CMIP: variants seen among roughly 807,000 people sequenced by gnomAD.
CMIP encodes c-Maf inducing protein.
Under a neutral mutation model 97.3 loss-of-function variants are expected in CMIP, and 13 were observed. That is an observed-to-expected ratio of 0.13 (90% CI 0.09 to 0.21). The LOEUF (loss-of-function observed/expected upper bound fraction) is 0.21, where lower values mean the gene tolerates loss of function less well. Ranked by LOEUF, CMIP falls within the 10% of genes least tolerant of loss-of-function variation. The pLI is 1.00. For missense variants in CMIP, 847 were observed against 1,024.9 expected (o/e 0.83, Z 2.37); for synonymous variants, 538 against 436.3 (o/e 1.23, Z -2.91).
intron 1 of CMIP, among the ~76,000 whole-genome samples, chr16:81,489,725 G>A (rs771212734): frequency 2.0e-5 from 3 of 152,186 alleles, no homozygotes; most frequent in Non-Finnish European, 4.4e-5. Context: ...CGTTCAGGGA[G>A]GGGGAGAGAG....
chr16:81,688,240 T>A (rs540992666), intron 10 of CMIP, among the ~76,000 whole-genome samples: 15 of 152,282 alleles, frequency 9.9e-5, no homozygotes, highest in African/African-American at 3.6e-4. Flanking sequence ...CCTCTCCCGC[T>A]GTCTCTGCAC....
chr16:81,507,551 C>T (rs952385547), intron 1 of CMIP, among the ~76,000 whole-genome samples: 4 of 152,122 alleles, frequency 2.6e-5, no homozygotes, highest in African/African-American at 7.2e-5. Flanking sequence ...AAGGTTAAGT[C>T]GTTTAATTGG....
At chr16:81,452,791 C>T (rs573391740) in intron 1 of CMIP, among the ~76,000 whole-genome samples, 5 of 151,126 alleles carry the variant, frequency 3.3e-5, no homozygotes, top group Admixed American at 6.6e-5. Context: ...GTAGAATGTG[C>T]GAGGTGATGG....
Position 81,652,110 on chromosome 16 carries a change from A to C in CMIP, c.478-93A>C. Reference sequence around the variant, plus strand: ...AGTTGTCAGTTTCTCAGGGCCCTTTACACCCTAACCCATCTGATTCTTTGA... The same window carrying C: ...AGTTGTCAGTTTCTCAGGGCCCTTTCCACCCTAACCCATCTGATTCTTTGA... On this transcript the variant is annotated intron_variant, in intron 3 of 20. Transcript: ENST00000537098. This position sits in a 1 kb window ranked among gnomAD's most constrained non-coding sequence, Gnocchi z 5.2. The C allele has an allele frequency of 9.8e-7, 1 of 1,024,020 alleles. No individual in the cohort carries two copies. The highest frequency in any genetic ancestry group is 1.5e-6 in the Non-Finnish European group (1 of 684,268). 63.4% of individuals were successfully genotyped at this position (1,024,020 alleles called of 1,614,324 possible).
chr16:81,604,003 C>G (rs770407522), intron 1 of CMIP, among the ~76,000 whole-genome samples: 2 of 152,204 alleles, frequency 1.3e-5, no homozygotes, highest in African/African-American at 4.8e-5. Context: ...TAAGGACACA[C>G]AGTAAGCGGC....
At chr16:81,661,767 C>G (rs1319369681) in intron 6 of CMIP, among the ~76,000 whole-genome samples, 1 of 152,130 alleles carries the variant, frequency 6.6e-6, no homozygotes, top group Non-Finnish European at 1.5e-5. Context: ...CCCCTCACCC[C>G]AGGGAGTCCT....
At chr16:81,594,412 G>A (rs566123859) in intron 1 of CMIP, among the ~76,000 whole-genome samples, 40 of 151,570 alleles carry the variant, frequency 2.6e-4, no homozygotes, top group African/African-American at 7.3e-4. Flanking sequence ...GAGCCACCGC[G>A]CCTGGCCAGC....
At chr16:81,657,875 C>G in intron 5 of CMIP, 59 bp downstream of exon 5, 1 of 1,430,030 alleles carries the variant, frequency 7.0e-7, no homozygotes, top group Non-Finnish European at 9.6e-7. Flanking sequence ...GCCTACAACC[C>G]TTTTCCTGGT....
chr16:81,521,811 A>G (rs754330373), intron 1 of CMIP, among the ~76,000 whole-genome samples: 1 of 152,166 alleles, frequency 6.6e-6, no homozygotes, highest in African/African-American at 2.4e-5. Flanking sequence ...ATACTTTTCT[A>G]CAATTGGGAG....
chr16:81,582,806 C>T lies in CMIP; in HGVS notation c.301-24761C>T, dbSNP rs533615254. Among the ~76,000 whole-genome samples the T allele has an allele frequency of 3.9e-5, 6 of 152,138 alleles. No homozygotes were observed. The South Asian group carries it at 1.0e-3, about 26-fold the overall frequency. ...CAAGAGGGAACGCTTTCATGAACGG[C>T]GAGCGGAATGCCCAACAGCACAAAG... On this transcript the variant is annotated intron_variant, in intron 1 of 20. Coordinates refer to ENST00000537098, the MANE Select transcript of CMIP (RefSeq NM_198390.3).
Position 81,607,705 on chromosome 16 carries a change from A to G in CMIP, c.426+13A>G, listed in dbSNP as rs181048976. On this transcript the variant is annotated intron_variant, in intron 2 of 20. Transcript: ENST00000537098. ...TGTCTTACTGCAGGTAGGAGAAATA[A>G]ACATGAACAAGCAGTTTCTTCTCCC... The G allele has an allele frequency of 1.3e-5, 21 of 1,611,916 alleles. No individual in the cohort carries two copies. The highest frequency in any genetic ancestry group is 1.7e-5 in the Non-Finnish European group (20 of 1,178,186).
intron 1 of CMIP, among the ~76,000 whole-genome samples, chr16:81,548,879 C>A (rs1372802829): frequency 6.6e-6 from 1 of 152,148 alleles, no homozygotes; most frequent in Non-Finnish European, 1.5e-5. Context: ...GAAGCTGTGT[C>A]TGGACATTGC....
At chr16:81,626,170 G>A (rs2085188960) in intron 3 of CMIP, among the ~76,000 whole-genome samples, 2 of 152,370 alleles carry the variant, frequency 1.3e-5, no homozygotes, top group East Asian at 3.9e-4. Flanking sequence ...GTGGAGAAAG[G>A]TGGAAAAGAA....
chr16:81,611,776 T>G (rs2091836185), intron 2 of CMIP, among the ~76,000 whole-genome samples: 1 of 152,178 alleles, frequency 6.6e-6, no homozygotes, highest in South Asian at 2.1e-4. Flanking sequence ...AACTCTTACT[T>G]TGTTAGAATT....
chr16:81,573,367 C>T (rs886739169), intron 1 of CMIP, among the ~76,000 whole-genome samples: 3 of 150,768 alleles, frequency 2.0e-5, no homozygotes, highest in Non-Finnish European at 3.0e-5. Context: ...AAAAAAAAGG[C>T]ATGTTTTCCC....
intron 1 of CMIP, among the ~76,000 whole-genome samples, chr16:81,541,076 A>G (rs1432246161): frequency 6.6e-6 from 1 of 151,828 alleles, no homozygotes; most frequent in Non-Finnish European, 1.5e-5. Flanking sequence ...AAATAAACAC[A>G]ATTCAATTAT....
At chr16:81,629,862 C>G (rs917470762) in intron 3 of CMIP, among the ~76,000 whole-genome samples, 11 of 152,228 alleles carry the variant, frequency 7.2e-5, no homozygotes, top group Non-Finnish European at 1.2e-4. Context: ...CAGCTTTCCT[C>G]AGTTATAGAT....
intron 1 of CMIP, among the ~76,000 whole-genome samples, chr16:81,568,321 C>G (rs1030541225): frequency 1.3e-5 from 2 of 152,162 alleles, no homozygotes; most frequent in African/African-American, 4.8e-5. Flanking sequence ...TTTCTCCCCA[C>G]TGCCTACGTG....
chr16:81,515,274 G>A (rs573475446), intron 1 of CMIP, among the ~76,000 whole-genome samples: 1 of 152,322 alleles, frequency 6.6e-6, no homozygotes, highest in East Asian at 1.9e-4. Flanking sequence ...TGTCAGCGAG[G>A]CCTCAAAATG....
Sources: allele counts gnomAD v4.1 joint callset (sites outside exome capture counted in the v4.1 genomes callset), GRCh38; gene constraint gnomAD v4.1.1; non-coding constraint Gnocchi (gnomAD v3.1); transcripts MANE v1.5; gene names NCBI Gene and HGNC (gene_info 2026-07-23, HGNC 2026-07-21).